Variants in PIEZO2 observed in about 807,000 individuals in gnomAD.
The protein encoded by PIEZO2 is piezo-type mechanosensitive ion channel component 2.
PIEZO2 carries 172 observed loss-of-function variants against 337.3 expected under a neutral mutation model. That is an observed-to-expected ratio of 0.51 (90% CI 0.45 to 0.58). The LOEUF (loss-of-function observed/expected upper bound fraction) is 0.58. Ranked by LOEUF, PIEZO2 falls within the 20% of genes least tolerant of loss-of-function variation. The pLI is 0.00. For synonymous variants in PIEZO2, 1,251 were observed against 1,228.5 expected (o/e 1.02, Z -0.38); for missense variants, 3,028 against 3,391.3 (o/e 0.89, Z 2.66).
Position 10,696,517 on chromosome 18 carries a change from T to G in PIEZO2, c.6850A>C (p.Ile2284Leu), listed in dbSNP as rs771088826. Residue 2284 changes from isoleucine (I) to leucine (L), a missense_variant, in exon 46 of 56, where the codon ATC becomes CTC. Ile to Leu is a conservative substitution (Grantham distance 5). This residue lies in a region of PIEZO2 where 1,925 missense variants were observed against 2,051.9 expected (regional missense o/e 0.94). Transcript: ENST00000674853. The part of the protein sequence containing the change: ...IKKTLEIYVP[I>L]KQFFYNLIHP... ...ATGAGGTTGTAAAAGAACTGTTTGA[T>G]GGGCACATAGATCTCCAGCGTCCTG... The G allele has an allele frequency of 2.0e-5, 32 of 1,613,562 alleles. No individual in the cohort carries two copies. Among genetic ancestry groups the G allele is most frequent in the Non-Finnish European group, 2.5e-5 (30 of 1,180,000 alleles).
At chr18:10,814,336 A>G (rs12959883) in intron 7 of PIEZO2, among the ~76,000 whole-genome samples, 38,234 of 152,074 alleles carry the variant, frequency 0.25, 5,363 homozygotes, top group East Asian at 0.66. Flanking sequence ...ACAGCTTCCA[A>G]TCCTTTTAGG....
intron 43 of PIEZO2, 140 bp from the exon 44 acceptor site, chr18:10,699,317 T>C (rs1242149509): frequency 8.5e-7 from 1 of 1,182,568 alleles, no homozygotes; most frequent in Non-Finnish European, 1.2e-6. Context: ...TGTCCCCATA[T>C]CTCATCTTGA....
intron 3 of PIEZO2, among the ~76,000 whole-genome samples, chr18:10,958,367 G>C (rs1287635468): frequency 1.3e-5 from 2 of 152,070 alleles, no homozygotes; most frequent in African/African-American, 4.8e-5. Flanking sequence ...AAGTTGAGGA[G>C]AGGGTAAAGG....
At position 11,132,735 on chromosome 18, in the gene PIEZO2, T is replaced by C. The variant is rs2040376107; in HGVS notation, c.64+15790A>G. Among the ~76,000 whole-genome samples the C allele has an allele frequency of 6.6e-6, 1 of 152,120 alleles. No individual in the cohort carries two copies. The highest frequency in any genetic ancestry group is 6.5e-5 in the Admixed American group (1 of 15,272). On this transcript the variant is annotated intron_variant, in intron 1 of 55. Transcript: ENST00000674853. The surrounding 1 kb of genome is among the most constrained non-coding windows in gnomAD (Gnocchi z 4.7). ...GAGTTAAGATTGCCACCTGGACACTTTGGGCTCCTCCTACCTTTAAGTCAA... is the reference window on the plus strand; with the variant it reads ...GAGTTAAGATTGCCACCTGGACACTCTGGGCTCCTCCTACCTTTAAGTCAA...
At chr18:10,976,155 G>C (rs2036586965) in intron 3 of PIEZO2, among the ~76,000 whole-genome samples, 1 of 152,108 alleles carries the variant, frequency 6.6e-6, no homozygotes, top group African/African-American at 2.4e-5. Flanking sequence ...TATATAACTT[G>C]ATCATTAAAA....
In PIEZO2 at chr18:10,701,981, T is replaced by G; in HGVS notation, c.6441+8A>C. ...AACTTGAACTGATTAATTGTTAACA[T>G]GCAGTACCTTCAAAATTGATCGATG... On this transcript the variant is annotated splice_region_variant and intron_variant, in intron 43 of 55. Coordinates refer to ENST00000674853, the MANE Select transcript of PIEZO2 (RefSeq NM_001378183.1). 6.6e-7 allele frequency: 1 copy of G among 1,521,602 alleles called. No homozygotes were observed. The highest frequency in any genetic ancestry group is 8.8e-7 in the Non-Finnish European group (1 of 1,142,068). 94.3% of individuals were successfully genotyped at this position (1,521,602 alleles called of 1,614,324 possible). A position where few individuals can be genotyped will look rare whatever the true frequency, so the allele number is the denominator to read the frequency against.
intron 12 of PIEZO2, among the ~76,000 whole-genome samples, chr18:10,796,369 C>CA (rs58330881): frequency 0.023 from 3,287 of 144,586 alleles, 118 homozygotes; most frequent in African/African-American, 0.08. Context: ...GACTCCATCT[C>CA]AAAAAAAAAA....
intron 35 of PIEZO2, among the ~76,000 whole-genome samples, chr18:10,734,480 C>T (rs12326913): frequency 0.32 from 49,213 of 151,906 alleles, 8,714 homozygotes; most frequent in East Asian, 0.53. Context: ...TCGAACTACT[C>T]GCTTAACAGG....
chr18:10,757,726 T>C (rs1404771879), intron 27 of PIEZO2, among the ~76,000 whole-genome samples: 2 of 151,784 alleles, frequency 1.3e-5, no homozygotes, highest in Non-Finnish European at 2.9e-5. Context: ...AGTTTTGGTA[T>C]GAAGAAGAGG....
Position 11,110,074 on chromosome 18 carries a change from CT to C in PIEZO2, c.64+38450del, listed in dbSNP as rs1281701185. Among the ~76,000 whole-genome samples, 1 of 152,114 alleles carries C rather than the reference CT, an allele frequency of 6.6e-6. No homozygotes were observed. The highest frequency in any genetic ancestry group is 1.5e-5 in the Non-Finnish European group (1 of 68,028). On this transcript the variant is annotated intron_variant, in intron 1 of 55. Coordinates refer to ENST00000674853, the MANE Select transcript of PIEZO2 (RefSeq NM_001378183.1). The surrounding 1 kb of genome is among the most constrained non-coding windows in gnomAD (Gnocchi z 4.2). ...GACAGGTTCAGGAGTAACTGCAATG[CT>C]CTCATTTTCCCAAGACTACAACTTG... is the stretch of plus-strand genomic sequence containing the variant.
At chr18:11,137,617 G>C (rs1347807629) in intron 1 of PIEZO2, among the ~76,000 whole-genome samples, 1 of 152,278 alleles carries the variant, frequency 6.6e-6, no homozygotes, top group South Asian at 2.1e-4. Context: ...GCAGGGGTCC[G>C]TGTACCTGCA....
At chr18:10,934,289 C>A (rs916076912) in intron 3 of PIEZO2, among the ~76,000 whole-genome samples, 5 of 152,160 alleles carry the variant, frequency 3.3e-5, no homozygotes, top group African/African-American at 1.2e-4. Flanking sequence ...GAAGGGCAGG[C>A]ATTGTGAGGC....
intron 3 of PIEZO2, among the ~76,000 whole-genome samples, chr18:10,946,042 G>A (rs2033000883): frequency 1.3e-5 from 2 of 152,186 alleles, no homozygotes; most frequent in African/African-American, 4.8e-5. Flanking sequence ...CAGTATACAT[G>A]TAATTGGACC....
At chr18:10,851,469 C>T (rs978275997) in intron 7 of PIEZO2, among the ~76,000 whole-genome samples, 4 of 151,846 alleles carry the variant, frequency 2.6e-5, no homozygotes, top group Admixed American at 6.6e-5. Flanking sequence ...GATGATGTAC[C>T]GAAATGTCTG....
chr18:11,003,360 G>A lies in PIEZO2; in HGVS notation c.161-23700C>T, dbSNP rs568442246. Among the ~76,000 whole-genome samples the A allele has an allele frequency of 2.5e-4, 38 of 152,238 alleles. No homozygotes were observed. The highest frequency in any genetic ancestry group is 4.9e-4 in the Non-Finnish European group (33 of 68,008). On this transcript the variant is annotated intron_variant, in intron 2 of 55. Coordinates refer to ENST00000674853, the MANE Select transcript of PIEZO2 (RefSeq NM_001378183.1). This position sits in a 1 kb window ranked among gnomAD's most constrained non-coding sequence, Gnocchi z 4.6. Reference sequence around the variant, plus strand: ...TGGAAACTGCGGCTTTAAGCAAAACGATGTATAGCAAAAACAATTAAACCA... The same window carrying A: ...TGGAAACTGCGGCTTTAAGCAAAACAATGTATAGCAAAAACAATTAAACCA...
chr18:10,950,105 T>G (rs2033223105), intron 3 of PIEZO2, among the ~76,000 whole-genome samples: 1 of 152,224 alleles, frequency 6.6e-6, no homozygotes, highest in Admixed American at 6.5e-5. Flanking sequence ...CTAAAAATGT[T>G]GGCAGTACCC....
rs1008294148 is a variant in PIEZO2 at position 10,850,573 on chromosome 18, G to A, written c.917+4780C>T. Among the ~76,000 whole-genome samples, 4 of 152,164 alleles carry A rather than the reference G, an allele frequency of 2.6e-5. No individual in the cohort carries two copies. Among genetic ancestry groups the A allele is most frequent in the African/African-American group, 7.2e-5 (3 of 41,434 alleles). ...AGAACAAAAATGAGAAATCATCTAC[G>A]TGGTTAAAACTCAGGGGTTGACTAA... On this transcript the variant is annotated intron_variant, in intron 7 of 55. Transcript: ENST00000674853. This position sits in a 1 kb window ranked among gnomAD's most constrained non-coding sequence, Gnocchi z 4.5.
intron 11 of PIEZO2, among the ~76,000 whole-genome samples, chr18:10,799,651 T>G (rs1470356973): frequency 6.6e-6 from 1 of 152,068 alleles, no homozygotes; most frequent in Non-Finnish European, 1.5e-5. Flanking sequence ...ACCTCGTTTT[T>G]TAAAAAATGG....
intron 2 of PIEZO2, among the ~76,000 whole-genome samples, chr18:11,056,485 G>C (rs184758985): frequency 9.5e-4 from 145 of 152,322 alleles, no homozygotes; most frequent in Non-Finnish European, 1.6e-3. Context: ...TGCTATTTCA[G>C]ATCTTCAAGT....
Sources: allele counts gnomAD v4.1 joint callset (sites outside exome capture counted in the v4.1 genomes callset), GRCh38; gene constraint gnomAD v4.1.1; regional missense constraint gnomAD v4.1.1; non-coding constraint Gnocchi (gnomAD v3.1); transcripts MANE v1.5; gene names NCBI Gene and HGNC (gene_info 2026-07-23, HGNC 2026-07-21).